PTPRO: variants seen among roughly 807,000 people sequenced by gnomAD.
PTPRO encodes the protein receptor-type tyrosine-protein phosphatase O.
Under a neutral mutation model 145.2 loss-of-function variants are expected in PTPRO, and 62 were observed. The observed-to-expected ratio is 0.43, with a 90% CI of 0.35 to 0.53. The LOEUF is 0.53. PTPRO is among the 20% of genes least tolerant of loss of function. The pLI, the probability that PTPRO is intolerant of heterozygous loss-of-function variation, is 0.01. For synonymous variants in PTPRO, 565 were observed against 514.7 expected, an observed-to-expected ratio of 1.10 and a Z score of -1.32; for missense variants, 1,345 against 1,482.7, an observed-to-expected ratio of 0.91 and a Z score of 1.53.
chr12:15,509,374 GA>G (rs35896369), intron 7 of PTPRO, among the ~76,000 whole-genome samples: 83,491 of 145,862 alleles, frequency 0.57, 24,835 homozygotes, highest in Admixed American at 0.67. Context: ...CATTCTTGCT[GA>G]AAAAAAAAAA....
At chr12:15,546,496 C>T in intron 12 of PTPRO, 73 bp from the exon 13 acceptor site, 1 of 1,544,364 alleles carries the variant, frequency 6.5e-7, no homozygotes, top group Non-Finnish European at 8.8e-7. Flanking sequence ...GGATGCTTCA[C>T]CTGCTTATTA....
intron 2 of PTPRO, among the ~76,000 whole-genome samples, chr12:15,485,162 G>A (rs1736099811): frequency 6.6e-6 from 1 of 151,790 alleles, no homozygotes. Flanking sequence ...ACTACAAGAA[G>A]CAAAAACTCA....
chr12:15,341,223 GAT>G (rs1866971881), intron 1 of PTPRO, among the ~76,000 whole-genome samples: 1 of 152,084 alleles, frequency 6.6e-6, no homozygotes, highest in Non-Finnish European at 1.5e-5. Flanking sequence ...TTTGCCCAAG[GAT>G]ATGTTATTTT....
At chr12:15,394,411 G>A (rs1372745117) in intron 1 of PTPRO, among the ~76,000 whole-genome samples, 3 of 151,938 alleles carry the variant, frequency 2.0e-5, no homozygotes, top group Non-Finnish European at 2.9e-5. Flanking sequence ...GCCAAGCAGC[G>A]GCATACCAAG....
At chr12:15,396,083 C>G (rs552614883) in intron 1 of PTPRO, among the ~76,000 whole-genome samples, 1 of 152,188 alleles carries the variant, frequency 6.6e-6, no homozygotes, top group South Asian at 2.1e-4. Flanking sequence ...TTAGAAGATC[C>G]CATATTCTAT....
rs545280329 is a variant in PTPRO at position 15,426,037 on chromosome 12, T to G, written c.76-57937T>G. Among the ~76,000 whole-genome samples, 11 of 150,704 alleles carry G rather than the reference T, an allele frequency of 7.3e-5. No homozygotes were observed. In the East Asian group the frequency reaches 1.9e-3, roughly 27 times the overall value. On this transcript the variant is annotated intron_variant, in intron 1 of 26. Transcript: ENST00000281171. ...AAGAAAACTGATATTGTCAAAATAA[T>G]TAACTTTTTCATACTAGAATATAGG...
chr12:15,325,486 T>TA (rs1866419923), intron 1 of PTPRO, among the ~76,000 whole-genome samples: 1 of 152,236 alleles, frequency 6.6e-6, no homozygotes, highest in South Asian at 2.1e-4. Context: ...TAATTTATCT[T>TA]GCCTAAACAC....
At chr12:15,388,996 C>A (rs1042432711) in intron 1 of PTPRO, among the ~76,000 whole-genome samples, 12 of 151,696 alleles carry the variant, frequency 7.9e-5, no homozygotes, top group Non-Finnish European at 1.0e-4. Flanking sequence ...GTTTTATTTT[C>A]TCTGTCTTTT....
chr12:15,507,895 C>G (rs893061529), intron 6 of PTPRO, among the ~76,000 whole-genome samples: 2 of 152,198 alleles, frequency 1.3e-5, no homozygotes, highest in Admixed American at 6.5e-5. Context: ...ATAATAATCA[C>G]CTTAACATGT....
intron 12 of PTPRO, among the ~76,000 whole-genome samples, chr12:15,537,459 G>T (rs547836513): frequency 1.5e-3 from 228 of 152,280 alleles, no homozygotes; most frequent in Non-Finnish European, 2.6e-3. Flanking sequence ...GCCAAGGGAA[G>T]AGAAAGCCTC....
intron 10 of PTPRO, among the ~76,000 whole-genome samples, chr12:15,523,423 T>C (rs966101503): frequency 1.3e-5 from 2 of 152,212 alleles, no homozygotes; most frequent in Non-Finnish European, 1.5e-5. Context: ...AGAGCCTATA[T>C]AGTATAAAGC....
intron 1 of PTPRO, among the ~76,000 whole-genome samples, chr12:15,401,975 C>T (rs1939506771): frequency 6.6e-6 from 1 of 152,102 alleles, no homozygotes; most frequent in Non-Finnish European, 1.5e-5. Context: ...GAAGAATTGT[C>T]AGGATTATTT....
At chr12:15,521,875 A>G (rs1334496637) in intron 10 of PTPRO, among the ~76,000 whole-genome samples, 1 of 152,218 alleles carries the variant, frequency 6.6e-6, no homozygotes, top group Non-Finnish European at 1.5e-5. Flanking sequence ...GGCATAGTTT[A>G]TAACAGTTTA....
intron 13 of PTPRO, among the ~76,000 whole-genome samples, chr12:15,548,743 A>T (rs1943370168): frequency 6.6e-6 from 1 of 152,200 alleles, no homozygotes; most frequent in South Asian, 2.1e-4. Context: ...ATCTGTACTG[A>T]TATGGAAAAA....
chr12:15,481,325 C>T (rs1016293382), intron 1 of PTPRO, among the ~76,000 whole-genome samples: 3 of 152,144 alleles, frequency 2.0e-5, no homozygotes, highest in African/African-American at 7.2e-5. Context: ...CTAGAATTTT[C>T]CTAGGAGGCC....
chr12:15,479,372 C>T (rs576993135), intron 1 of PTPRO, among the ~76,000 whole-genome samples: 2 of 152,274 alleles, frequency 1.3e-5, no homozygotes, highest in Admixed American at 6.5e-5. Context: ...AGGGGGTCTG[C>T]CCTTCATTAA....
At chr12:15,382,928 G>T (rs1456156722) in intron 1 of PTPRO, among the ~76,000 whole-genome samples, 1 of 152,142 alleles carries the variant, frequency 6.6e-6, no homozygotes, top group Admixed American at 6.5e-5. Flanking sequence ...GCTATTTAAT[G>T]CATTCATCAC....
chr12:15,424,308 G>C (rs1359974669), intron 1 of PTPRO, among the ~76,000 whole-genome samples: 1 of 152,010 alleles, frequency 6.6e-6, no homozygotes, highest in African/African-American at 2.4e-5. Context: ...AACAGCATTT[G>C]ATTGGTATTC....
chr12:15,393,494 A>G (rs1002192195), intron 1 of PTPRO, among the ~76,000 whole-genome samples: 1 of 152,194 alleles, frequency 6.6e-6, no homozygotes, highest in Non-Finnish European at 1.5e-5. Flanking sequence ...GCTCAGTCCC[A>G]TAGTCAATTT....
Sources: allele counts gnomAD v4.1 joint callset (sites outside exome capture counted in the v4.1 genomes callset), GRCh38; gene constraint gnomAD v4.1.1; transcripts MANE v1.5; gene names NCBI Gene and HGNC (gene_info 2026-07-23, HGNC 2026-07-21).